OGFR: variants seen among roughly 807,000 people sequenced by gnomAD.
The protein encoded by OGFR is protein 7-60.
In OGFR, 18 loss-of-function variants were observed where a neutral mutation model predicts 33.6. The observed-to-expected ratio is 0.54, with a 90% CI of 0.37 to 0.80. OGFR has a LOEUF of 0.80. Among genes scored for constraint, OGFR ranks in the 30% least tolerant of loss-of-function variants. The pLI, the probability that OGFR is intolerant of heterozygous loss-of-function variation, is 0.00. For synonymous variants in OGFR, 370 were observed against 400.7 expected (o/e 0.92, Z 0.91); for missense variants, 877 against 955.8 (o/e 0.92, Z 1.09).
chr20:62,808,004 T>A (rs932251069), intron 2 of OGFR: 3 of 610,552 alleles, frequency 4.9e-6, no homozygotes, highest in African/African-American at 3.7e-5. Flanking sequence ...GCCTTCAGGG[T>A]GCTGAGGAGG....
chr20:62,811,630 G>GCCCCCCCCCCCCCCCCCC lies in OGFR; in HGVS notation c.614+23_614+24insCCCCCCCCCCCCCCCCCC. The GCCCCCCCCCCCCCCCCCC allele has an allele frequency of 7.9e-7, 1 of 1,259,582 alleles. No individual in the cohort carries two copies. The highest frequency in any genetic ancestry group is 1.1e-6 in the Non-Finnish European group (1 of 934,222). 78.0% of individuals were successfully genotyped at this position (1,259,582 alleles called of 1,614,324 possible). On this transcript the variant is annotated intron_variant, in intron 6 of 6. Transcript: ENST00000290291. ...GAACTGGTGAGGCCCGGCTGCTCCC[G>GCCCCCCCCCCCCCCCCCC]CCCACCCCCACCCCGGCGCAGAACA...
intron 3 of OGFR, 142 bp downstream of exon 3, chr20:62,808,467 C>G (rs1421061607): frequency 4.6e-6 from 3 of 647,132 alleles, no homozygotes; most frequent in African/African-American, 3.6e-5. Context: ...CTGGAGGCGG[C>G]CAGAGGGACT....
In OGFR at chr20:62,812,835, TGGA is replaced by T; in HGVS notation, c.1222_1224del (p.Glu408del). The T allele has an allele frequency of 1.9e-6, 3 of 1,612,146 alleles. No individual in the cohort carries two copies. Among genetic ancestry groups the T allele is most frequent in the South Asian group, 2.2e-5 (2 of 91,044 alleles). ...CCAGGCCCTCAGAGTGCCTCAGAGG[TGGA>T]GAAGATCGCTCTGAATTTGGAGGGG... is the stretch of plus-strand genomic sequence containing the variant. On this transcript the variant is annotated inframe_deletion, in exon 7 of 7. Transcript: ENST00000290291.
rs1278099073 is a variant in OGFR at position 62,811,470 on chromosome 20, A to G, written c.474A>G (p.Lys158=). ...PLTLREVEVF[K]SSQEIQERLV... ...AAGGGGGTCTTTTCCAGGTGTTTAA[A>G]AGCTCCCAGGAGATCCAGGAGCGGC... The change falls in exon 6 of 7, where the codon AAA becomes AAG. Residue 158 remains lysine, a synonymous_variant. Coordinates refer to ENST00000290291, the MANE Select transcript of OGFR (RefSeq NM_007346.4). 26 of 1,611,290 alleles carry G rather than the reference A, an allele frequency of 1.6e-5. No homozygotes were observed. The Admixed American group carries it at 4.3e-4, about 27-fold the overall frequency.
Position 62,805,001 on chromosome 20 carries a change from C to T in OGFR, c.142C>T (p.Pro48Ser). Residue 48 changes from proline (P) to serine (S), a missense_variant, in exon 1 of 7, where the codon CCG becomes TCG. Physicochemically the swap from Pro to Ser is moderately conservative, Grantham distance 74. Around this residue, in one of 3 missense-constraint regions of OGFR, gnomAD observed 760 missense variants for 736.0 expected, o/e 1.03. Transcript: ENST00000290291. ...GGACGAGGACGAGGAGTCGGAGGAG[C>T]CGCGGGCGGCGCGGCCCAGCTCGTT... is the stretch of plus-strand genomic sequence containing the variant. ...AGDEDEESEEPRAARPSSFQS... is the reference protein window; with the variant it reads ...AGDEDEESEESRAARPSSFQS... 6.8e-7 allele frequency: 1 copy of T among 1,463,032 alleles called. No homozygotes were observed. Among genetic ancestry groups the T allele is most frequent in the Non-Finnish European group, 9.0e-7 (1 of 1,110,056 alleles). 90.6% of individuals were successfully genotyped at this position (1,463,032 alleles called of 1,614,324 possible). A position where few individuals can be genotyped will look rare whatever the true frequency, so the allele number is the denominator to read the frequency against.
chr20:62,805,470 G>A (rs2147180965), intron 1 of OGFR: 1 of 153,458 alleles, frequency 6.5e-6, no homozygotes, highest in African/African-American at 2.4e-5. Flanking sequence ...GTCTGCACCT[G>A]CGGGAGCCCG....
At position 62,813,783 on chromosome 20, in the gene OGFR, T is replaced by A; in HGVS notation, c.*134T>A. Reference sequence around the variant, plus strand: ...CATGACCCACAGTGCTGGCCTCCTGTGGGGCCACTATAGCAGCCACCAGAA... The same window carrying A: ...CATGACCCACAGTGCTGGCCTCCTGAGGGGCCACTATAGCAGCCACCAGAA... On this transcript the variant is annotated 3_prime_UTR_variant, in exon 7 of 7. Coordinates refer to ENST00000290291, the MANE Select transcript of OGFR (RefSeq NM_007346.4). 2 of 1,075,960 alleles carry A rather than the reference T, an allele frequency of 1.9e-6. No homozygotes were observed. The highest frequency in any genetic ancestry group is 1.4e-6 in the Non-Finnish European group (1 of 730,134). The allele number at this position is 1,075,960 out of a possible 1,614,324, so 66.7% of individuals were successfully genotyped here. A position where few individuals can be genotyped will look rare whatever the true frequency, so the allele number is the denominator to read the frequency against.
At position 62,804,918 on chromosome 20, in the gene OGFR, CGGAGGACGA is replaced by C. The variant is rs1171951968; in HGVS notation, c.63_71del (p.Glu21_Glu23del). The C allele has an allele frequency of 3.3e-6, 5 of 1,495,466 alleles. No individual in the cohort carries two copies. Among genetic ancestry groups the C allele is most frequent in the African/African-American group, 2.9e-5 (2 of 68,004 alleles). 92.6% of individuals were successfully genotyped at this position (1,495,466 alleles called of 1,614,324 possible). A position where few individuals can be genotyped will look rare whatever the true frequency, so the allele number is the denominator to read the frequency against. On this transcript the variant is annotated inframe_deletion, in exon 1 of 7. Coordinates refer to ENST00000290291, the MANE Select transcript of OGFR (RefSeq NM_007346.4). ...GAGGACGAGGAGGATGCGGAGGACG[CGGAGGACGA>C]GGACTGCGAGGACGGCGAGGCCGCC...
In OGFR at chr20:62,808,626, A is replaced by C. The variant is rs150259046; in HGVS notation, c.319+301A>C. Among the ~76,000 whole-genome samples, 548 of 152,360 alleles carry C rather than the reference A, an allele frequency of 3.6e-3. 1 individual carries two copies. Among genetic ancestry groups the C allele is most frequent in the Admixed American group, 6.9e-3 (105 of 15,306 alleles). On this transcript the variant is annotated intron_variant, in intron 3 of 6. Transcript: ENST00000290291. ...ACTCCTGCACGACCTCATGAAAGCCACATGTAAACCAACGAGCTAAGGATA... is the reference window on the plus strand; with the variant it reads ...ACTCCTGCACGACCTCATGAAAGCCCCATGTAAACCAACGAGCTAAGGATA...
In OGFR at chr20:62,811,624, G is replaced by GCGGGGGGCCCCCC; in HGVS notation, c.614+15_614+16insGGGGGGCCCCCCC. The GCGGGGGGCCCCCC allele has an allele frequency of 1.9e-6, 3 of 1,551,480 alleles. No homozygotes were observed. The highest frequency in any genetic ancestry group is 8.7e-7 in the Non-Finnish European group (1 of 1,147,386). On this transcript the variant is annotated intron_variant, in intron 6 of 6. Coordinates refer to ENST00000290291, the MANE Select transcript of OGFR (RefSeq NM_007346.4). ...GAACCTGAACTGGTGAGGCCCGGCT[G>GCGGGGGGCCCCCC]CTCCCGCCCACCCCCACCCCGGCGC...
At chr20:62,806,734 T>G (rs1990601428) in intron 1 of OGFR, 1 of 152,224 alleles carries the variant, frequency 6.6e-6, no homozygotes, top group East Asian at 1.9e-4. Flanking sequence ...ATACGCCCAT[T>G]CCTGCCCTAC....
chr20:62,812,221 C>T lies in OGFR; in HGVS notation c.615-9C>T. The stretch of plus-strand genomic sequence containing the variant: ...GCCATTGACCTCTCCTGACCCGGAT[C>T]TCTCGCAGGCGCAGCCACAACAACC... On this transcript the variant is annotated splice_polypyrimidine_tract_variant and intron_variant, in intron 6 of 6. Coordinates refer to ENST00000290291, the MANE Select transcript of OGFR (RefSeq NM_007346.4). The T allele has an allele frequency of 6.7e-7, 1 of 1,488,204 alleles. No homozygotes were observed. Among genetic ancestry groups the T allele is most frequent in the Non-Finnish European group, 9.0e-7 (1 of 1,114,876 alleles). 92.2% of individuals were successfully genotyped at this position (1,488,204 alleles called of 1,614,324 possible).
chr20:62,805,392 CCTGGGGCTGGGG>C lies in OGFR; in HGVS notation c.171+388_171+399del, dbSNP rs760689585. On this transcript the variant is annotated intron_variant, in intron 1 of 6. Coordinates refer to ENST00000290291, the MANE Select transcript of OGFR (RefSeq NM_007346.4). ...GGCGGCCCCTGCGCAGGCCCCGCGG[CCTGGGGCTGGGG>C]CTGGGGCTGGGGCTGGGGCTGGGGC... 255 of 154,594 alleles carry C rather than the reference CCTGGGGCTGGGG, an allele frequency of 1.6e-3. 2 individuals carry two copies. Among genetic ancestry groups the C allele is most frequent in the Middle Eastern group, 3.2e-3 (1 of 314 alleles). The allele number at this position is 154,594 out of a possible 1,614,324, so 9.6% of individuals were successfully genotyped here. A position where few individuals can be genotyped will look rare whatever the true frequency, so the allele number is the denominator to read the frequency against.
At chr20:62,805,573 A>C (rs1342634336) in intron 1 of OGFR, 1 of 144,864 alleles carries the variant, frequency 6.9e-6, no homozygotes, top group Non-Finnish European at 1.5e-5. Flanking sequence ...TGGGAACGCC[A>C]CACTGTCGCA....
Position 62,812,268 on chromosome 20 carries a change from A to G in OGFR, c.653A>G (p.Lys218Arg), listed in dbSNP as rs1990744855. 1 of 1,533,136 alleles carries G rather than the reference A, an allele frequency of 6.5e-7. No individual in the cohort carries two copies. 95.0% of individuals were successfully genotyped at this position (1,533,136 alleles called of 1,614,324 possible). A position where few individuals can be genotyped will look rare whatever the true frequency, so the allele number is the denominator to read the frequency against. ...AACCTCCGCATCACACGCATCCTCA[A>G]GTCGCTGGGTGAGCTGGGCCTCGAG... Reference protein sequence around the residue: ...HNNLRITRILKSLGELGLEHF... With the variant: ...HNNLRITRILRSLGELGLEHF... The change falls in exon 7 of 7, where the codon AAG (lysine) becomes AGG (arginine). Residue 218 changes from lysine (K) to arginine (R), a missense_variant. Coordinates refer to ENST00000290291, the MANE Select transcript of OGFR (RefSeq NM_007346.4).
chr20:62,811,624 G>GCGGGGGCCCCCCC lies in OGFR; in HGVS notation c.614+15_614+16insGGGGGCCCCCCCC. ...GAACCTGAACTGGTGAGGCCCGGCT[G>GCGGGGGCCCCCCC]CTCCCGCCCACCCCCACCCCGGCGC... On this transcript the variant is annotated intron_variant, in intron 6 of 6. Coordinates refer to ENST00000290291, the MANE Select transcript of OGFR (RefSeq NM_007346.4). 1.3e-6 allele frequency: 2 copies of GCGGGGGCCCCCCC among 1,551,484 alleles called. No homozygotes were observed. The highest frequency in any genetic ancestry group is 1.7e-6 in the Non-Finnish European group (2 of 1,147,386).
At chr20:62,805,189 A>G (rs1435813377) in intron 1 of OGFR, among the ~76,000 whole-genome samples, 159 bp downstream of exon 1, 1 of 149,834 alleles carries the variant, frequency 6.7e-6, no homozygotes, top group East Asian at 2.0e-4. Flanking sequence ...CCCCAGCCCC[A>G]GGGCCCGGCG....
chr20:62,811,624 G>GCGGGGGCCC lies in OGFR; in HGVS notation c.614+15_614+16insGGGGGCCCC. On this transcript the variant is annotated intron_variant, in intron 6 of 6. Transcript: ENST00000290291. ...GAACCTGAACTGGTGAGGCCCGGCT[G>GCGGGGGCCC]CTCCCGCCCACCCCCACCCCGGCGC... 3 of 1,551,456 alleles carry GCGGGGGCCC rather than the reference G, an allele frequency of 1.9e-6. No individual in the cohort carries two copies. The highest frequency in any genetic ancestry group is 2.4e-5 in the East Asian group (1 of 41,638).
In OGFR at chr20:62,812,663, G is replaced by C. The variant is rs201992919; in HGVS notation, c.1048G>C (p.Val350Leu). The change falls in exon 7 of 7, where the codon GTG (valine) becomes CTG (leucine). Residue 350 changes from valine to leucine, a missense_variant. Val to Leu is a conservative substitution (Grantham distance 32, BLOSUM62 1). This residue lies in a region of OGFR where 760 missense variants were observed against 736.0 expected (regional missense o/e 1.03). Transcript: ENST00000290291. ...GGACGAGGGGCCCCAGCCACGGAGCGTGGAGCCCCAGGATGCGGGACCCCT... is the reference window on the plus strand; with the variant it reads ...GGACGAGGGGCCCCAGCCACGGAGCCTGGAGCCCCAGGATGCGGGACCCCT... ...RVDEGPQPRS[V>L]EPQDAGPLER... 1.3e-5 allele frequency: 21 copies of C among 1,565,536 alleles called. No individual in the cohort carries two copies. The highest frequency in any genetic ancestry group is 1.2e-4 in the African/African-American group (9 of 73,784).
Sources: gnomAD v4.1 joint callset for allele counts (sites outside exome capture counted in the v4.1 genomes callset) on GRCh38, gnomAD v4.1.1 for gene constraint, gnomAD v4.1.1 regional missense constraint, MANE v1.5 for transcripts, NCBI Gene and HGNC (gene_info 2026-07-23, HGNC 2026-07-21) for gene names.